The following ANO5 variants were observed in gnomAD, a reference collection of about 807,000 sequenced individuals.
The protein encoded by ANO5 is anoctamin-5.
ANO5 carries 109 observed loss-of-function variants against 121.0 expected under a neutral mutation model. The observed-to-expected ratio is 0.90, with a 90% CI of 0.77 to 1.06. The LOEUF (loss-of-function observed/expected upper bound fraction) is 1.06, where lower values mean the gene tolerates loss of function less well. ANO5 is among the 50% of genes least tolerant of loss of function. ANO5 has a pLI of 0.00. For synonymous variants in ANO5, 406 were observed against 359.9 expected (o/e 1.13, Z -1.45); for missense variants, 1,064 against 1,078.5 (o/e 0.99, Z 0.19).
intron 20 of ANO5, 21 bp from the exon 21 acceptor site, chr11:22,276,071 TTG>T: frequency 6.9e-7 from 1 of 1,449,292 alleles, no homozygotes; most frequent in East Asian, 2.3e-5. Context: ...TTTTTTTTTT[TTG>T]CATTTACTTC....
intron 16 of ANO5, 117 bp downstream of exon 16, chr11:22,262,415 AC>A: frequency 9.6e-7 from 1 of 1,038,326 alleles, no homozygotes; most frequent in South Asian, 1.5e-5. Flanking sequence ...CTAGGCACTG[AC>A]TCTATCCACA....
At chr11:22,246,106 C>G (rs1167749838) in intron 9 of ANO5, among the ~76,000 whole-genome samples, 4 of 152,072 alleles carry the variant, frequency 2.6e-5, no homozygotes, top group African/African-American at 7.2e-5. Flanking sequence ...TTTCTGTTTA[C>G]TGACACTCCT....
chr11:22,264,331 C>T (rs1391420713), intron 17 of ANO5, among the ~76,000 whole-genome samples: 3 of 151,918 alleles, frequency 2.0e-5, no homozygotes, highest in Non-Finnish European at 1.5e-5. Flanking sequence ...GGCCCCCAAA[C>T]TTTTATTTTA....
chr11:22,226,061 A>G lies in ANO5; in HGVS notation c.363+9A>G. The G allele has an allele frequency of 6.3e-7, 1 of 1,590,764 alleles. No individual in the cohort carries two copies. The highest frequency in any genetic ancestry group is 8.6e-7 in the Non-Finnish European group (1 of 1,159,618). On this transcript the variant is annotated intron_variant, in intron 6 of 21. Coordinates refer to ENST00000324559, the MANE Select transcript of ANO5 (RefSeq NM_213599.3). ...AAATAGAAGACAAAAGGGTAAATGT[A>G]GTTGATAATTTATACAAGCCTCTTT...
intron 15 of ANO5, among the ~76,000 whole-genome samples, chr11:22,260,256 G>T (rs1854149443): frequency 6.6e-6 from 1 of 152,204 alleles, no homozygotes; most frequent in African/African-American, 2.4e-5. Flanking sequence ...ACAGGGGAAA[G>T]TGAAAGGGGT....
At position 22,272,816 on chromosome 11, in the gene ANO5, G is replaced by T. The variant is rs1411918733; in HGVS notation, c.2062G>T (p.Ala688Ser). 6.2e-7 allele frequency: 1 copy of T among 1,613,940 alleles called. No homozygotes were observed. Among genetic ancestry groups the T allele is most frequent in the Non-Finnish European group, 8.5e-7 (1 of 1,179,960 alleles). The change falls in exon 19 of 22, where the codon GCC (alanine) becomes TCC (serine). Residue 688 changes from alanine to serine, a missense_variant. Coordinates refer to ENST00000324559, the MANE Select transcript of ANO5 (RefSeq NM_213599.3). ...ATTTGGATTTGTTACACTATTTGTG[G>T]CCTCTTTTCCTTTGGCTCCTCTTCT... ...TQFGFVTLFV[A>S]SFPLAPLLAL... is the part of the protein sequence containing the mutation.
Position 22,262,390 on chromosome 11 carries a change from A to C in ANO5, c.1800+92A>C. On this transcript the variant is annotated intron_variant, in intron 16 of 21. Coordinates refer to ENST00000324559, the MANE Select transcript of ANO5 (RefSeq NM_213599.3). ...TCAAGCACTGATTCACATGCTAAAA[A>C]ATTACAAAATATATCTAGGCACTGA... 2.9e-6 allele frequency: 4 copies of C among 1,363,224 alleles called. No individual in the cohort carries two copies. The South Asian group carries it at 3.7e-5, about 13-fold the overall frequency. 84.4% of individuals were successfully genotyped at this position (1,363,224 alleles called of 1,614,324 possible).
chr11:22,230,617 A>G (rs1266704390), intron 7 of ANO5, among the ~76,000 whole-genome samples: 1 of 152,006 alleles, frequency 6.6e-6, no homozygotes, highest in East Asian at 1.9e-4. Flanking sequence ...TATTGAAAGC[A>G]CTCATGTTCC....
chr11:22,250,909 T>C, intron 11 of ANO5, 42 bp from the exon 12 acceptor site: 1 of 1,608,486 alleles, frequency 6.2e-7, no homozygotes, highest in Non-Finnish European at 8.5e-7. Flanking sequence ...TTACATTTAG[T>C]ACTAAATTAT....
intron 2 of ANO5, 131 bp downstream of exon 2, chr11:22,203,981 G>A: frequency 1.7e-6 from 1 of 574,490 alleles, no homozygotes; most frequent in Non-Finnish European, 3.0e-6. Flanking sequence ...CATTTTTTAA[G>A]TAGCTAAAGC....
At chr11:22,274,542 C>A (rs750029320) in intron 19 of ANO5, 27 bp from the exon 20 acceptor site, 4 of 1,544,506 alleles carry the variant, frequency 2.6e-6, no homozygotes, top group South Asian at 1.2e-5. Context: ...AGCTGATGAT[C>A]TTCCTCTTTT....
At chr11:22,276,319 T>G (rs1479985856) in intron 21 of ANO5, 120 bp downstream of exon 21, 1 of 837,274 alleles carries the variant, frequency 1.2e-6, no homozygotes, top group Non-Finnish European at 2.0e-6. Context: ...AAGGAAGTAT[T>G]GTATTTGTAG....
At chr11:22,252,591 T>G (rs1853863385) in intron 12 of ANO5, among the ~76,000 whole-genome samples, 1 of 152,226 alleles carries the variant, frequency 6.6e-6, no homozygotes, top group Admixed American at 6.5e-5. Context: ...AGCACAGTAA[T>G]CCTTTGTCTG....
intron 9 of ANO5, among the ~76,000 whole-genome samples, 178 bp from the exon 10 acceptor site, chr11:22,250,059 T>C (rs1853752948): frequency 6.6e-6 from 1 of 152,158 alleles, no homozygotes; most frequent in Non-Finnish European, 1.5e-5. Flanking sequence ...CATCTTGTGT[T>C]AAAACATGAT....
chr11:22,193,055 G>T (rs530191013), upstream of ANO5: 1 of 1,026,692 alleles, frequency 9.7e-7, no homozygotes, highest in South Asian at 3.5e-5. Context: ...CGCAGCGAAG[G>T]GGAAAGGAAA....
At chr11:22,250,078 G>C (rs1853753529) in intron 9 of ANO5, among the ~76,000 whole-genome samples, 159 bp from the exon 10 acceptor site, 1 of 152,066 alleles carries the variant, frequency 6.6e-6, no homozygotes, top group African/African-American at 2.4e-5. Flanking sequence ...ATAATGATAT[G>C]GAAACTGAAG....
At chr11:22,275,063 G>A (rs148513252) in intron 20 of ANO5, among the ~76,000 whole-genome samples, 2 of 151,842 alleles carry the variant, frequency 1.3e-5, no homozygotes, top group African/African-American at 4.8e-5. Context: ...GTGCCCCTTA[G>A]TCCAAAGCTG....
chr11:22,222,088 A>T (rs1852671161), intron 5 of ANO5, among the ~76,000 whole-genome samples: 2 of 151,852 alleles, frequency 1.3e-5, no homozygotes, highest in African/African-American at 4.8e-5. Context: ...AGTGATGTTT[A>T]CTTTTCTTTA....
intron 1 of ANO5, 65 bp from the exon 2 acceptor site, chr11:22,203,739 G>A (rs1852031399): frequency 2.0e-6 from 2 of 1,017,254 alleles, no homozygotes; most frequent in African/African-American, 3.2e-5. Flanking sequence ...TCCTTACACA[G>A]ACTTTTGAAT....
Sources: gnomAD v4.1 joint callset for allele counts (sites outside exome capture counted in the v4.1 genomes callset) on GRCh38, gnomAD v4.1.1 for gene constraint, MANE v1.5 for transcripts, NCBI Gene and HGNC (gene_info 2026-07-23, HGNC 2026-07-21) for gene names.